NTSR1: variants seen among roughly 807,000 people sequenced by gnomAD.
NTSR1 encodes neurotensin receptor type 1.
In NTSR1, 29 loss-of-function variants were observed where a neutral mutation model predicts 31.2. The observed-to-expected ratio is 0.93, with a 90% CI of 0.69 to 1.27. The LOEUF (loss-of-function observed/expected upper bound fraction) is 1.27. NTSR1 is among the 50% of genes most tolerant of loss of function. The pLI is 0.00. For missense variants in NTSR1, 697 were observed against 595.4 expected (o/e 1.17, Z -1.78); for synonymous variants, 282 against 269.9 (o/e 1.04, Z -0.44).
At chr20:62,722,942 A>T (rs1198540724) in intron 1 of NTSR1, among the ~76,000 whole-genome samples, 1 of 152,234 alleles carries the variant, frequency 6.6e-6, no homozygotes, top group East Asian at 1.9e-4. Context: ...TTACAAAAGA[A>T]CACAGAACAA....
At chr20:62,712,872 G>A (rs1050553423) in intron 1 of NTSR1, among the ~76,000 whole-genome samples, 1 of 152,248 alleles carries the variant, frequency 6.6e-6, no homozygotes, top group Non-Finnish European at 1.5e-5. Flanking sequence ...CTGTGTGGCA[G>A]GGCTCAGGGC....
chr20:62,738,828 A>G (rs1206602933), intron 1 of NTSR1, among the ~76,000 whole-genome samples: 2 of 152,212 alleles, frequency 1.3e-5, no homozygotes, highest in African/African-American at 4.8e-5. Context: ...GAGATCTCCA[A>G]AATGGACCAG....
intron 1 of NTSR1, among the ~76,000 whole-genome samples, chr20:62,722,366 C>T (rs891342219): frequency 1.3e-5 from 2 of 152,208 alleles, no homozygotes; most frequent in African/African-American, 4.8e-5. Context: ...GTGTCATGGG[C>T]TTCCTGGCAT....
In NTSR1 at chr20:62,741,361, C is replaced by T. The variant is rs765189363; in HGVS notation, c.715-13324C>T. 4.4e-4 allele frequency among the ~76,000 whole-genome samples: 60 copies of T among 137,436 alleles called. 1 individual carries two copies. Among genetic ancestry groups the T allele is most frequent in the Non-Finnish European group, 7.4e-4 (50 of 67,622 alleles). 90.2% of individuals were successfully genotyped at this position (137,436 alleles called of 152,430 possible). A position where few individuals can be genotyped will look rare whatever the true frequency, so the allele number is the denominator to read the frequency against. Reference sequence around the variant, plus strand: ...AAGATTCCAACTCCCACACTCAGGGCTCCCTGCTGCCTGGAAGAGGAGAGG... The same window carrying T: ...AAGATTCCAACTCCCACACTCAGGGTTCCCTGCTGCCTGGAAGAGGAGAGG... On this transcript the variant is annotated intron_variant, in intron 1 of 3. Coordinates refer to ENST00000370501, the MANE Select transcript of NTSR1 (RefSeq NM_002531.3). This position sits in a 1 kb window ranked among gnomAD's most constrained non-coding sequence, Gnocchi z 4.3.
At position 62,760,481 on chromosome 20, in the gene NTSR1, C is replaced by T. The variant is rs1050998296; in HGVS notation, c.*214C>T. 1 of 519,322 alleles carries T rather than the reference C, an allele frequency of 1.9e-6. No homozygotes were observed. Among genetic ancestry groups the T allele is most frequent in the East Asian group, 2.9e-5 (1 of 34,198 alleles). 32.2% of individuals were successfully genotyped at this position (519,322 alleles called of 1,614,324 possible). A position where few individuals can be genotyped will look rare whatever the true frequency, so the allele number is the denominator to read the frequency against. ...TCCCCAACTCCTCCCCACCCCTCCCCCATCTCCTCTTTGAAAGCCAGAACA... is the reference window on the plus strand; with the variant it reads ...TCCCCAACTCCTCCCCACCCCTCCCTCATCTCCTCTTTGAAAGCCAGAACA... On this transcript the variant is annotated 3_prime_UTR_variant, in exon 4 of 4. Transcript: ENST00000370501.
At chr20:62,737,848 GC>G in intron 1 of NTSR1, among the ~76,000 whole-genome samples, 1 of 98,634 alleles carries the variant, frequency 1.0e-5, no homozygotes, top group Middle Eastern at 4.6e-3. Flanking sequence ...CCTGACCCCT[GC>G]CCCCGGTCCT....
chr20:62,713,410 G>A (rs140265296), intron 1 of NTSR1, among the ~76,000 whole-genome samples: 4 of 152,280 alleles, frequency 2.6e-5, no homozygotes, highest in African/African-American at 7.2e-5. Flanking sequence ...ATCACAGGGC[G>A]ACTTGGCAAA....
intron 2 of NTSR1, 28 bp downstream of exon 2, chr20:62,754,914 C>G (rs759031035): frequency 3.9e-6 from 6 of 1,555,744 alleles, no homozygotes; most frequent in Non-Finnish European, 4.3e-6. Context: ...CCTCCAGGGG[C>G]GGGAGGCAGG....
intron 1 of NTSR1, among the ~76,000 whole-genome samples, chr20:62,710,357 T>C (rs1247242823): frequency 6.6e-6 from 1 of 152,182 alleles, no homozygotes; most frequent in Non-Finnish European, 1.5e-5. Context: ...TGACCCAAAC[T>C]TGGGAGTCAG....
intron 1 of NTSR1, among the ~76,000 whole-genome samples, chr20:62,737,094 A>G (rs926906399): frequency 2.0e-5 from 3 of 152,244 alleles, no homozygotes; most frequent in African/African-American, 7.2e-5. Flanking sequence ...GCAGTTCTTT[A>G]GAGCAGTGCG....
rs1989557347 is a variant in NTSR1, at chr20:62,758,614, T to G, written c.1007+258T>G. Among the ~76,000 whole-genome samples the G allele has an allele frequency of 6.6e-6, 1 of 152,102 alleles. No individual in the cohort carries two copies. Among genetic ancestry groups the G allele is most frequent in the South Asian group, 2.1e-4 (1 of 4,830 alleles). ...CCTAAGAGAGATGGCCCAGGCAGTT[T>G]CCCGAAGGTGAAAGAGAGACATCCC... On this transcript the variant is annotated intron_variant, in intron 3 of 3. Transcript: ENST00000370501. The surrounding 1 kb of genome is among the most constrained non-coding windows in gnomAD (Gnocchi z 4.5).
rs1989283304 is a variant in NTSR1, at chr20:62,745,417, A to G, written c.715-9268A>G. On this transcript the variant is annotated intron_variant, in intron 1 of 3. Coordinates refer to ENST00000370501, the MANE Select transcript of NTSR1 (RefSeq NM_002531.3). The surrounding 1 kb of genome is among the most constrained non-coding windows in gnomAD (Gnocchi z 4.1). ...GATAGAGACACAGACTCAGGAAAAC[A>G]GACAGAGAGAGACACAGGAGAACAG... 1.3e-5 allele frequency among the ~76,000 whole-genome samples: 2 copies of G among 151,790 alleles called. No homozygotes were observed. The highest frequency in any genetic ancestry group is 1.3e-4 in the Admixed American group (2 of 15,264).
intron 1 of NTSR1, among the ~76,000 whole-genome samples, chr20:62,734,070 C>T (rs982283856): frequency 9.2e-5 from 14 of 152,172 alleles, no homozygotes; most frequent in Admixed American, 2.6e-4. Context: ...CGGCTGGGGC[C>T]GGCGGCAGGT....
At chr20:62,726,170 G>A (rs1322146499) in intron 1 of NTSR1, among the ~76,000 whole-genome samples, 1 of 152,180 alleles carries the variant, frequency 6.6e-6, no homozygotes, top group Non-Finnish European at 1.5e-5. Context: ...AACCCTTTCT[G>A]TGGGGCTGCC....
intron 1 of NTSR1, among the ~76,000 whole-genome samples, chr20:62,725,481 G>A (rs1208016647): frequency 6.6e-6 from 1 of 152,204 alleles, no homozygotes; most frequent in Non-Finnish European, 1.5e-5. Flanking sequence ...CTGCCTTCCG[G>A]TCCCATCACT....
chr20:62,740,676 G>T (rs540705968), intron 1 of NTSR1, among the ~76,000 whole-genome samples: 1 of 152,190 alleles, frequency 6.6e-6, no homozygotes, highest in Admixed American at 6.5e-5. Context: ...GATCCTTCCC[G>T]CTCAGATCCC....
At position 62,760,420 on chromosome 20, in the gene NTSR1, C is replaced by T. The variant is rs1600740608; in HGVS notation, c.*153C>T. The stretch of plus-strand genomic sequence containing the variant: ...GCCTGGGACCCCCCCCTCCCACCCC[C>T]TAACCCATGTTTCTCATTAGTGTCT... On this transcript the variant is annotated 3_prime_UTR_variant, in exon 4 of 4. Transcript: ENST00000370501. The T allele has an allele frequency of 1.4e-6, 1 of 723,326 alleles. No individual in the cohort carries two copies. Among genetic ancestry groups the T allele is most frequent in the South Asian group, 2.0e-5 (1 of 51,098 alleles). 44.8% of individuals were successfully genotyped at this position (723,326 alleles called of 1,614,324 possible).
At position 62,709,609 on chromosome 20, in the gene NTSR1, G is replaced by A; in HGVS notation, c.402G>A (p.Trp134Ter). 1 of 1,611,694 alleles carries A rather than the reference G, an allele frequency of 6.2e-7. No individual in the cohort carries two copies. Among genetic ancestry groups the A allele is most frequent in the South Asian group, 1.1e-5 (1 of 91,078 alleles). The change falls in exon 1 of 4, where the codon TGG (tryptophan) becomes TGA (stop). Residue 134 changes from tryptophan to a stop codon, truncating the protein, a stop_gained. Transcript: ENST00000370501. LOFTEE classifies it high-confidence loss of function. ...ACTTCATCTGGGTGCACCACCCCTG[G>A]GCCTTCGGCGACGCCGGCTGCCGCG... The part of the protein sequence containing the change: ...LYNFIWVHHP[W>*]AFGDAGCRGY...
chr20:62,730,627 G>T (rs192578634), intron 1 of NTSR1, among the ~76,000 whole-genome samples: 1 of 152,218 alleles, frequency 6.6e-6, no homozygotes, highest in Non-Finnish European at 1.5e-5. Flanking sequence ...GGAACACGTG[G>T]TAAGGATACG....
Sources: gnomAD v4.1 joint callset for allele counts (sites outside exome capture counted in the v4.1 genomes callset) on GRCh38, gnomAD v4.1.1 for gene constraint, Gnocchi (gnomAD v3.1) non-coding constraint, MANE v1.5 for transcripts, NCBI Gene and HGNC (gene_info 2026-07-23, HGNC 2026-07-21) for gene names.